The following PHLPP1 variants were observed in gnomAD, a reference collection of about 807,000 sequenced individuals.
PHLPP1 encodes PH domain leucine-rich repeat-containing protein phosphatase 1.
In PHLPP1, 42 loss-of-function variants were observed where a neutral mutation model predicts 117.2. The observed-to-expected ratio is 0.36, with a 90% CI of 0.28 to 0.46. The LOEUF (loss-of-function observed/expected upper bound fraction) is 0.46, where lower values mean the gene tolerates loss of function less well. Ranked by LOEUF, PHLPP1 falls within the 20% of genes least tolerant of loss-of-function variation. PHLPP1 has a pLI of 1.00. For missense variants in PHLPP1, 2,084 were observed against 2,241.9 expected (o/e 0.93, Z 1.42); for synonymous variants, 1,042 against 970.7 (o/e 1.07, Z -1.37).
intron 15 of PHLPP1, among the ~76,000 whole-genome samples, chr18:62,974,524 A>G (rs1037407120): frequency 4.6e-5 from 7 of 152,296 alleles, no homozygotes; most frequent in African/African-American, 1.4e-4. Context: ...TGTACCACTC[A>G]GGAACAGCAG....
chr18:62,720,664 T>C (rs1331450568), intron 1 of PHLPP1, among the ~76,000 whole-genome samples: 1 of 152,190 alleles, frequency 6.6e-6, no homozygotes, highest in Non-Finnish European at 1.5e-5. Flanking sequence ...GACACCAGTG[T>C]GTGCTTGAAC....
intron 1 of PHLPP1, among the ~76,000 whole-genome samples, chr18:62,759,754 G>C (rs958373153): frequency 1.6e-4 from 24 of 152,274 alleles, no homozygotes; most frequent in African/African-American, 5.3e-4. Flanking sequence ...TTAAGAGCGG[G>C]TTTTGCCTGA....
At chr18:62,747,341 G>A (rs1013850522) in intron 1 of PHLPP1, among the ~76,000 whole-genome samples, 6 of 144,626 alleles carry the variant, frequency 4.1e-5, no homozygotes, top group Admixed American at 2.8e-4. Flanking sequence ...TTGGATTGCA[G>A]TGGAATGATC....
At chr18:62,959,333 A>G (rs1204387527) in intron 13 of PHLPP1, among the ~76,000 whole-genome samples, 1 of 152,378 alleles carries the variant, frequency 6.6e-6, no homozygotes, top group East Asian at 1.9e-4. Context: ...AACTCAAAAG[A>G]TCTTTACAGT....
chr18:62,873,317 T>C (rs1448828477), intron 4 of PHLPP1, among the ~76,000 whole-genome samples: 1 of 152,226 alleles, frequency 6.6e-6, no homozygotes, highest in Non-Finnish European at 1.5e-5. Flanking sequence ...ACTATTTTAA[T>C]TACTAGTTAC....
intron 1 of PHLPP1, among the ~76,000 whole-genome samples, chr18:62,781,801 T>C (rs546176128): frequency 2.6e-5 from 4 of 152,356 alleles, no homozygotes; most frequent in Admixed American, 1.3e-4. Context: ...TTTGATTTAT[T>C]GTATTTTCTT....
At chr18:62,826,654 G>A (rs1414736334) in intron 1 of PHLPP1, among the ~76,000 whole-genome samples, 1 of 152,086 alleles carries the variant, frequency 6.6e-6, no homozygotes, top group Non-Finnish European at 1.5e-5. Context: ...ATTTTACTAT[G>A]TGAAATAAGA....
chr18:62,804,442 T>C (rs543097228), intron 1 of PHLPP1, among the ~76,000 whole-genome samples: 11 of 152,112 alleles, frequency 7.2e-5, no homozygotes, highest in Admixed American at 1.3e-4. Context: ...CCTGGCACAG[T>C]GGGTCACACC....
At chr18:62,807,425 G>A (rs577234100) in intron 1 of PHLPP1, among the ~76,000 whole-genome samples, 9 of 152,092 alleles carry the variant, frequency 5.9e-5, no homozygotes, top group African/African-American at 2.2e-4. Context: ...GATTTCTTGG[G>A]GAGAAGCATA....
intron 1 of PHLPP1, among the ~76,000 whole-genome samples, chr18:62,732,222 T>C (rs183025179): frequency 3.3e-5 from 5 of 152,332 alleles, no homozygotes; most frequent in South Asian, 2.1e-4. Flanking sequence ...AGTACCTGGC[T>C]TCCTTCAAAG....
chr18:62,724,459 T>A (rs1451346252), intron 1 of PHLPP1, among the ~76,000 whole-genome samples: 1 of 152,204 alleles, frequency 6.6e-6, no homozygotes, highest in Non-Finnish European at 1.5e-5. Flanking sequence ...GTTGTAGAGA[T>A]AATTTAGTCC....
intron 1 of PHLPP1, among the ~76,000 whole-genome samples, chr18:62,763,250 T>C (rs747759965): frequency 3.9e-5 from 6 of 152,168 alleles, no homozygotes; most frequent in Non-Finnish European, 7.3e-5. Context: ...GCTCTTTGAG[T>C]GTCCTTTTTT....
chr18:62,979,709 T>G lies in PHLPP1; in HGVS notation c.*278T>G, dbSNP rs1747580077. ...AAGACAAAGAACAAAAGGTTTAATA[T>G]ATTACAGAGAAACAGTTAATGATAA... is the stretch of plus-strand genomic sequence containing the variant. On this transcript the variant is annotated 3_prime_UTR_variant, in exon 17 of 17. Coordinates refer to ENST00000262719, the MANE Select transcript of PHLPP1 (RefSeq NM_194449.4). The G allele has an allele frequency of 2.5e-6, 1 of 404,168 alleles. No homozygotes were observed. Among genetic ancestry groups the G allele is most frequent in the African/African-American group, 2.0e-5 (1 of 49,224 alleles). 25.0% of individuals were successfully genotyped at this position (404,168 alleles called of 1,614,324 possible).
Position 62,915,001 on chromosome 18 carries a change from C to A in PHLPP1, c.2797C>A (p.Pro933Thr). 1 of 1,610,196 alleles carries A rather than the reference C, an allele frequency of 6.2e-7. No homozygotes were observed. The highest frequency in any genetic ancestry group is 8.5e-7 in the Non-Finnish European group (1 of 1,176,862). ...DIGHNQICEL[P>T]ARLFCNSSLR... ...TGGCCATAATCAAATATGTGAACTT[C>A]CTGCCCGGTGAGTATTACAGATCAA... Residue 933 changes from proline (P) to threonine (T), a missense_variant, in exon 9 of 17, where the codon CCT becomes ACT. Transcript: ENST00000262719.
chr18:62,752,218 C>G (rs1478321821), intron 1 of PHLPP1, among the ~76,000 whole-genome samples: 1 of 152,192 alleles, frequency 6.6e-6, no homozygotes, highest in Non-Finnish European at 1.5e-5. Context: ...GCTGGGACCA[C>G]AGGCATGAGC....
At chr18:62,858,247 T>G (rs1042504789) in intron 3 of PHLPP1, among the ~76,000 whole-genome samples, 2 of 150,708 alleles carry the variant, frequency 1.3e-5, no homozygotes, top group Non-Finnish European at 2.9e-5. Context: ...AGCTCAAATA[T>G]TCCATCAGCA....
chr18:62,759,215 A>G (rs976587909), intron 1 of PHLPP1, among the ~76,000 whole-genome samples: 7 of 152,200 alleles, frequency 4.6e-5, no homozygotes, highest in Non-Finnish European at 8.8e-5. Flanking sequence ...TCATTCAGTG[A>G]GAAGACTGCT....
chr18:62,968,279 T>G (rs1875308777), intron 14 of PHLPP1, among the ~76,000 whole-genome samples: 1 of 152,178 alleles, frequency 6.6e-6, no homozygotes, highest in South Asian at 2.1e-4. Flanking sequence ...AGTTGGGAAG[T>G]GTTTCCTCAT....
In PHLPP1 at chr18:62,766,060, CAAAA is replaced by C. The variant is rs1168861892; in HGVS notation, c.1576+48815_1576+48818del. Among the ~76,000 whole-genome samples, 23 of 15,222 alleles carry C rather than the reference CAAAA, an allele frequency of 1.5e-3. 1 individual carries two copies. Among genetic ancestry groups the C allele is most frequent in the Admixed American group, 9.8e-3 (11 of 1,124 alleles). The allele number at this position is 15,222 out of a possible 152,430, so 10.0% of individuals were successfully genotyped here. ...TGGGCGACAGAGCTAGACTCCATCT[CAAAA>C]AAAAAAAAAAAAATATATATATATA... On this transcript the variant is annotated intron_variant, in intron 1 of 16. Coordinates refer to ENST00000262719, the MANE Select transcript of PHLPP1 (RefSeq NM_194449.4).
Sources: gnomAD v4.1 joint callset for allele counts (sites outside exome capture counted in the v4.1 genomes callset) on GRCh38, gnomAD v4.1.1 for gene constraint, MANE v1.5 for transcripts, NCBI Gene and HGNC (gene_info 2026-07-23, HGNC 2026-07-21) for gene names.